The following SERGEF variants were observed in gnomAD, a reference collection of about 807,000 sequenced individuals.
SERGEF encodes the protein secretion regulating guanine nucleotide exchange factor.
SERGEF carries 51 observed loss-of-function variants against 50.0 expected under a neutral mutation model. The ratio of observed to expected loss-of-function variants is 1.02; its 90% CI spans 0.81 to 1.29. SERGEF has a LOEUF of 1.29. Among genes scored for constraint, SERGEF ranks in the 50% most tolerant of loss-of-function variants. The pLI is 0.00. For synonymous variants in SERGEF, 205 were observed against 212.4 expected (o/e 0.97, Z 0.30); for missense variants, 521 against 557.0 (o/e 0.94, Z 0.65).
chr11:17,866,154 A>G (rs1229276223), intron 10 of SERGEF, among the ~76,000 whole-genome samples: 1 of 152,234 alleles, frequency 6.6e-6, no homozygotes, highest in Non-Finnish European at 1.5e-5. Context: ...CCCCTTGAGA[A>G]TCAGGCACCA....
chr11:17,909,450 C>T (rs1158207231), intron 9 of SERGEF, among the ~76,000 whole-genome samples: 1 of 152,158 alleles, frequency 6.6e-6, no homozygotes, highest in Non-Finnish European at 1.5e-5. Context: ...TGTTACCATT[C>T]CCAGTGGGAG....
chr11:17,888,439 C>G lies in SERGEF; in HGVS notation c.1012-10195G>C, dbSNP rs182838544. Among the ~76,000 whole-genome samples the G allele has an allele frequency of 2.6e-5, 4 of 151,998 alleles. No individual in the cohort carries two copies. Among genetic ancestry groups the G allele is most frequent in the African/African-American group, 9.7e-5 (4 of 41,380 alleles). On this transcript the variant is annotated intron_variant, in intron 9 of 10. Coordinates refer to ENST00000265965, the MANE Select transcript of SERGEF (RefSeq NM_012139.4). The surrounding 1 kb of genome is among the most constrained non-coding windows in gnomAD (Gnocchi z 4.1). The stretch of plus-strand genomic sequence containing the variant: ...GTAGGTTATTTTCTTTCATTGCATG[C>G]GTGTATCAATTCTGAAAGTATTTTG...
chr11:17,919,369 A>T (rs529672745), intron 9 of SERGEF, among the ~76,000 whole-genome samples: 1 of 152,194 alleles, frequency 6.6e-6, no homozygotes, highest in Non-Finnish European at 1.5e-5. Flanking sequence ...CTAGGAGGCC[A>T]CTGTGATTAG....
intron 10 of SERGEF, among the ~76,000 whole-genome samples, chr11:17,842,515 C>T (rs1366395164): frequency 6.6e-6 from 1 of 152,176 alleles, no homozygotes; most frequent in Non-Finnish European, 1.5e-5. Flanking sequence ...CCTTTCAGTA[C>T]TATGAGGTAT....
chr11:17,954,367 C>T (rs962706579), intron 9 of SERGEF, among the ~76,000 whole-genome samples: 2 of 152,272 alleles, frequency 1.3e-5, no homozygotes, highest in Non-Finnish European at 2.9e-5. Flanking sequence ...AGGACAAAGA[C>T]GCCCTGGAAA....
chr11:17,908,459 T>A (rs1320126229), intron 9 of SERGEF, among the ~76,000 whole-genome samples: 1 of 152,114 alleles, frequency 6.6e-6, no homozygotes, highest in African/African-American at 2.4e-5. Flanking sequence ...CATGATCCCC[T>A]CCGAGAAGAC....
At chr11:17,928,747 GA>G (rs1271235475) in intron 9 of SERGEF, among the ~76,000 whole-genome samples, 2 of 151,974 alleles carry the variant, frequency 1.3e-5, no homozygotes, top group Admixed American at 6.6e-5. Context: ...AGCCAGAACA[GA>G]AGACCCCAAG....
At chr11:17,812,281 T>C (rs1314979090) in intron 10 of SERGEF, among the ~76,000 whole-genome samples, 2 of 152,100 alleles carry the variant, frequency 1.3e-5, no homozygotes, top group African/African-American at 4.8e-5. Context: ...TTAAGAGGGG[T>C]AGGCACAATC....
intron 8 of SERGEF, among the ~76,000 whole-genome samples, chr11:17,979,742 T>C (rs552542736): frequency 2.2e-4 from 33 of 152,252 alleles, no homozygotes; most frequent in African/African-American, 7.5e-4. Flanking sequence ...AAGCACATTG[T>C]GTGACTTTAA....
At chr11:17,892,395 C>T (rs1851547863) in intron 9 of SERGEF, among the ~76,000 whole-genome samples, 1 of 152,176 alleles carries the variant, frequency 6.6e-6, no homozygotes. Context: ...CATGAGAACT[C>T]ACCCAGGCTA....
chr11:18,008,580 G>A (rs367840615), intron 1 of SERGEF, among the ~76,000 whole-genome samples: 4 of 152,304 alleles, frequency 2.6e-5, no homozygotes, highest in African/African-American at 9.6e-5. Flanking sequence ...CCCTCTGGAG[G>A]TAATGGGGTA....
intron 1 of SERGEF, among the ~76,000 whole-genome samples, chr11:18,008,657 C>A (rs1290780187): frequency 1.3e-5 from 2 of 151,944 alleles, no homozygotes; most frequent in Non-Finnish European, 1.5e-5. Context: ...GTTCTTCTGA[C>A]TGAGAACAAG....
At chr11:17,847,777 C>T (rs1413422075) in intron 10 of SERGEF, among the ~76,000 whole-genome samples, 1 of 152,114 alleles carries the variant, frequency 6.6e-6, no homozygotes, top group Non-Finnish European at 1.5e-5. Context: ...CTGAGCATCC[C>T]AATAACTGGT....
chr11:17,870,162 C>CCA (rs1253569965), intron 10 of SERGEF, among the ~76,000 whole-genome samples: 2 of 152,216 alleles, frequency 1.3e-5, no homozygotes, highest in Non-Finnish European at 1.5e-5. Flanking sequence ...CCTTCACCTT[C>CCA]CACCATGATT....
chr11:17,998,229 T>C (rs367936004), intron 5 of SERGEF, among the ~76,000 whole-genome samples: 1 of 151,302 alleles, frequency 6.6e-6, no homozygotes. Flanking sequence ...CTGGGCAACA[T>C]ACCAAGACCC....
chr11:18,010,998 CA>C (rs1565231290), intron 1 of SERGEF, among the ~76,000 whole-genome samples: 1 of 152,092 alleles, frequency 6.6e-6, no homozygotes, highest in African/African-American at 2.4e-5. Context: ...ATTACGGTAC[CA>C]ATTTTTGTAA....
At chr11:17,943,211 T>C (rs548990338) in intron 9 of SERGEF, among the ~76,000 whole-genome samples, 2 of 152,232 alleles carry the variant, frequency 1.3e-5, no homozygotes, top group African/African-American at 4.8e-5. Flanking sequence ...GCCTAAAGAG[T>C]TCTTTGTGGA....
chr11:17,913,108 T>C (rs898513759), intron 9 of SERGEF, among the ~76,000 whole-genome samples: 7 of 152,342 alleles, frequency 4.6e-5, no homozygotes, highest in Admixed American at 6.5e-5. Flanking sequence ...TAGCAACTCT[T>C]GCTTGCCTGT....
At chr11:18,000,588 C>T in intron 4 of SERGEF, 31 bp from the exon 5 acceptor site, 8 of 1,471,952 alleles carry the variant, frequency 5.4e-6, no homozygotes, top group Non-Finnish European at 7.4e-6. Flanking sequence ...ATTTAGATCT[C>T]AGAACCATCC....
Sources: gnomAD v4.1 joint callset for allele counts (sites outside exome capture counted in the v4.1 genomes callset) on GRCh38, gnomAD v4.1.1 for gene constraint, Gnocchi (gnomAD v3.1) non-coding constraint, MANE v1.5 for transcripts, NCBI Gene and HGNC (gene_info 2026-07-23, HGNC 2026-07-21) for gene names.